DNAAF11: variants seen among roughly 807,000 people sequenced by gnomAD.
DNAAF11 encodes dynein axonemal assembly factor 11.
DNAAF11 carries 45 observed loss-of-function variants against 60.8 expected under a neutral mutation model. The observed-to-expected ratio is 0.74, with a 90% confidence interval of 0.58 to 0.95. DNAAF11 has a LOEUF of 0.95. Among genes scored for constraint, DNAAF11 ranks in the 40% least tolerant of loss-of-function variants. The pLI, the probability that DNAAF11 is intolerant of heterozygous loss-of-function variation, is 0.00. For synonymous variants in DNAAF11, 191 were observed against 183.5 expected, an observed-to-expected ratio of 1.04 and a Z score of -0.33; for missense variants, 546 against 546.2, an observed-to-expected ratio of 1.00 and a Z score of 0.00.
At chr8:132,651,142 A>C (rs866311546) in intron 3 of DNAAF11, among the ~76,000 whole-genome samples, 1 of 152,082 alleles carries the variant, frequency 6.6e-6, no homozygotes, top group Non-Finnish European at 1.5e-5. Context: ...CTTGGAAATC[A>C]CCAACACTGA....
At chr8:132,647,006 T>C (rs1822467115) in intron 3 of DNAAF11, among the ~76,000 whole-genome samples, 1 of 152,186 alleles carries the variant, frequency 6.6e-6, no homozygotes, top group African/African-American at 2.4e-5. Flanking sequence ...AATAGACATC[T>C]ACACAACTCT....
At chr8:132,630,725 G>C (rs1449068616) in intron 5 of DNAAF11, among the ~76,000 whole-genome samples, 1 of 151,988 alleles carries the variant, frequency 6.6e-6, no homozygotes, top group Non-Finnish European at 1.5e-5. Flanking sequence ...TAGGGGACTT[G>C]AATAGAGGAT....
intron 11 of DNAAF11, among the ~76,000 whole-genome samples, chr8:132,575,333 C>T (rs954468048): frequency 9.9e-5 from 15 of 152,262 alleles, no homozygotes; most frequent in South Asian, 8.3e-4. Context: ...GCAGGCATTC[C>T]GTAAGTGTCA....
chr8:132,571,650 G>A lies in DNAAF11; in HGVS notation c.*656C>T, dbSNP rs1487483834. 1.3e-5 allele frequency among the ~76,000 whole-genome samples: 2 copies of A among 152,112 alleles called. No homozygotes were observed. The highest frequency in any genetic ancestry group is 3.9e-4 in the East Asian group (2 of 5,186). The stretch of plus-strand genomic sequence containing the variant: ...AGGCTCTAAATGTATGGCTGACACT[G>A]TACTAAGTGCTTTCTGCAGTTTATC... On this transcript the variant is annotated 3_prime_UTR_variant, in exon 12 of 12. Transcript: ENST00000620350.
chr8:132,675,766 T>A (rs1825736994), upstream of DNAAF11: 2 of 409,730 alleles, frequency 4.9e-6, no homozygotes, highest in East Asian at 7.1e-5. Context: ...TGCCACAGAC[T>A]GCTTCCCTCT....
chr8:132,666,562 TAGG>T (rs1370554987), intron 1 of DNAAF11, among the ~76,000 whole-genome samples: 4 of 152,100 alleles, frequency 2.6e-5, no homozygotes, highest in Non-Finnish European at 5.9e-5. Context: ...ATGAAGCATC[TAGG>T]AGAAGCACCC....
At chr8:132,611,475 A>G in intron 8 of DNAAF11, 112 bp from the exon 9 acceptor site, 1 of 570,550 alleles carries the variant, frequency 1.8e-6, no homozygotes, top group Non-Finnish European at 3.1e-6. Context: ...CGTTTAAAAT[A>G]TCCATGCAAA....
intron 3 of DNAAF11, among the ~76,000 whole-genome samples, chr8:132,639,749 G>GATATAGCACCTCTCT (rs1461985866): frequency 6.6e-6 from 1 of 151,938 alleles, no homozygotes; most frequent in African/African-American, 2.4e-5. Context: ...AGAACTTCCA[G>GATATAGCACCTCTCT]ATATAGCACC....
the DNAAF11 span, chr8:132,687,766 A>T: frequency 2.2e-6 from 1 of 447,038 alleles, no homozygotes; most frequent in East Asian, 7.0e-5. Flanking sequence ...GCTTTCAATC[A>T]CTAAATTATG....
At chr8:132,625,050 C>G (rs1820112496) in intron 6 of DNAAF11, among the ~76,000 whole-genome samples, 1 of 152,036 alleles carries the variant, frequency 6.6e-6, no homozygotes, top group African/African-American at 2.4e-5. Context: ...TACAAACAAA[C>G]CTCTACCTAA....
At chr8:132,631,877 A>T (rs1312374969) in intron 5 of DNAAF11, among the ~76,000 whole-genome samples, 2 of 151,790 alleles carry the variant, frequency 1.3e-5, no homozygotes, top group Non-Finnish European at 1.5e-5. Context: ...GGGTTGGGGG[A>T]GTGGGGAGGG....
intron 10 of DNAAF11, among the ~76,000 whole-genome samples, chr8:132,587,792 A>G (rs532430140): frequency 2.5e-4 from 38 of 152,342 alleles, no homozygotes; most frequent in Non-Finnish European, 4.1e-4. Flanking sequence ...TAATAATGTT[A>G]CATTATTTTA....
chr8:132,698,566 T>A, the DNAAF11 span, among the ~76,000 whole-genome samples: 4 of 152,246 alleles, frequency 2.6e-5, no homozygotes, highest in Admixed American at 2.6e-4. Context: ...CTGGGCACAG[T>A]CAATATTTCC....
upstream of DNAAF11, among the ~76,000 whole-genome samples, chr8:132,680,490 T>G (rs1323039594): frequency 6.6e-6 from 1 of 152,170 alleles, no homozygotes; most frequent in Non-Finnish European, 1.5e-5. Flanking sequence ...TTTATTTTCA[T>G]TTTAACTTAT....
intron 10 of DNAAF11, among the ~76,000 whole-genome samples, chr8:132,586,233 C>CA (rs1815877475): frequency 6.6e-6 from 1 of 152,130 alleles, no homozygotes; most frequent in Non-Finnish European, 1.5e-5. Context: ...TGCAGCAGTG[C>CA]TGTCCAGCAA....
intron 11 of DNAAF11, among the ~76,000 whole-genome samples, chr8:132,579,551 G>A (rs1471033783): frequency 6.6e-6 from 1 of 152,100 alleles, no homozygotes; most frequent in African/African-American, 2.4e-5. Context: ...ACAGAACTGA[G>A]GCTATTTTAG....
intron 2 of DNAAF11, among the ~76,000 whole-genome samples, chr8:132,658,473 C>T (rs1278543117): frequency 6.6e-6 from 1 of 152,126 alleles, no homozygotes. Context: ...CAGGCGCCCG[C>T]CACCACGCCT....
intron 10 of DNAAF11, among the ~76,000 whole-genome samples, chr8:132,594,054 C>A (rs1459349852): frequency 6.6e-6 from 1 of 152,074 alleles, no homozygotes; most frequent in Non-Finnish European, 1.5e-5. Context: ...AAAGCCAAAA[C>A]TTCTGCTTAT....
chr8:132,658,543 G>C (rs4437630), intron 2 of DNAAF11, among the ~76,000 whole-genome samples: 32,567 of 151,792 alleles, frequency 0.21, 3,797 homozygotes, highest in African/African-American at 0.31. Context: ...GGATGGTCTC[G>C]ATCTCCTGAC....
Sources: allele counts gnomAD v4.1 joint callset (sites outside exome capture counted in the v4.1 genomes callset), GRCh38; gene constraint gnomAD v4.1.1; transcripts MANE v1.5; gene names NCBI Gene and HGNC (gene_info 2026-07-23, HGNC 2026-07-21).